The following PHF24 variants were observed in gnomAD, a reference collection of about 807,000 sequenced individuals.
The protein encoded by PHF24 is PHD finger protein 24, also known as Galpha inhibitory interacting protein.
Under a neutral mutation model 42.6 loss-of-function variants are expected in PHF24, and 25 were observed. The ratio of observed to expected loss-of-function variants is 0.59; its 90% CI spans 0.43 to 0.82. The LOEUF (loss-of-function observed/expected upper bound fraction) is 0.82, where lower values mean the gene tolerates loss of function less well. Among genes scored for constraint, PHF24 ranks in the 40% least tolerant of loss-of-function variants. The probability of loss-of-function intolerance (pLI) is 0.00; values close to 1 mark genes in which losing one functional copy is unlikely to be tolerated. For missense variants in PHF24, 470 were observed against 538.1 expected, an observed-to-expected ratio of 0.87 and a Z score of 1.25; for synonymous variants, 185 against 204.8, an observed-to-expected ratio of 0.90 and a Z score of 0.83.
chr9:34,724,234 C>T, the PHF24 span: 3 of 1,551,490 alleles, frequency 1.9e-6, no homozygotes, highest in Non-Finnish European at 2.6e-6. Flanking sequence ...GGGCCTCTGT[C>T]ATGTCCCCAC....
At chr9:34,747,354 T>C in the PHF24 span, among the ~76,000 whole-genome samples, 1 of 152,144 alleles carries the variant, frequency 6.6e-6, no homozygotes, top group African/African-American at 2.4e-5. Context: ...AGCTCAAGGC[T>C]GCATTGAACT....
the PHF24 span, chr9:34,689,870 G>A: frequency 6.2e-7 from 1 of 1,614,164 alleles, no homozygotes; most frequent in East Asian, 2.2e-5. This position sits in a 1 kb window ranked among gnomAD's most constrained non-coding sequence, Gnocchi z 4.1. Context: ...AGGATCATGG[G>A]CTGGAATCTT....
chr9:34,798,535 G>A, the PHF24 span, among the ~76,000 whole-genome samples: 136,722 of 152,236 alleles, frequency 0.9, 62,445 homozygotes, highest in Non-Finnish European at 0.99. Flanking sequence ...TTGCTGCAAA[G>A]GACAAGATTT....
the PHF24 span, among the ~76,000 whole-genome samples, chr9:34,890,550 T>C: frequency 1.3e-3 from 192 of 152,320 alleles, 1 homozygote; most frequent in African/African-American, 4.4e-3. Context: ...CTGTCTTTAG[T>C]TCAACGGCAA....
chr9:34,754,882 T>G, the PHF24 span, among the ~76,000 whole-genome samples: 1 of 152,176 alleles, frequency 6.6e-6, no homozygotes, highest in Non-Finnish European at 1.5e-5. Context: ...TAAAAAACGA[T>G]GAGGTTCTGT....
chr9:34,764,746 G>A, the PHF24 span, among the ~76,000 whole-genome samples: 3 of 152,038 alleles, frequency 2.0e-5, no homozygotes, highest in Non-Finnish European at 4.4e-5. Context: ...GCTAGCTTTT[G>A]AATGTGTTTG....
the PHF24 span, among the ~76,000 whole-genome samples, chr9:34,904,239 G>A: frequency 1.6e-4 from 24 of 152,076 alleles, no homozygotes; most frequent in Non-Finnish European, 3.2e-4. Context: ...TGATTGCTCT[G>A]GCTAGGACTT....
upstream of PHF24, among the ~76,000 whole-genome samples, chr9:34,955,110 G>A (rs1026463424): frequency 6.6e-6 from 1 of 152,224 alleles, no homozygotes; most frequent in Non-Finnish European, 1.5e-5. Flanking sequence ...CTGGGCTCAA[G>A]TGACCCTCTC....
chr9:34,703,803 C>T, the PHF24 span, among the ~76,000 whole-genome samples: 1 of 151,712 alleles, frequency 6.6e-6, no homozygotes, highest in African/African-American at 2.4e-5. Context: ...TGGGCTTAAG[C>T]CGTTCTCCTA....
At chr9:34,877,152 A>G in the PHF24 span, among the ~76,000 whole-genome samples, 146,348 of 151,808 alleles carry the variant, frequency 0.96, 70,753 homozygotes, top group East Asian at 1. Context: ...GTGGTGGCAC[A>G]CGCCTATAAT....
At chr9:34,834,095 A>AAGTTATGCC in the PHF24 span, 1 of 1,395,746 alleles carries the variant, frequency 7.2e-7, no homozygotes, top group Non-Finnish European at 9.8e-7. Context: ...CCAGGGCATA[A>AAGTTATGCC]CTTTGTGATG....
the PHF24 span, among the ~76,000 whole-genome samples, chr9:34,831,300 G>A: frequency 6.6e-6 from 1 of 152,162 alleles, no homozygotes; most frequent in Non-Finnish European, 1.5e-5. Context: ...GGATTCAGCT[G>A]ACTGGGTGCC....
At chr9:34,932,198 C>T in the PHF24 span, among the ~76,000 whole-genome samples, 69,494 of 151,858 alleles carry the variant, frequency 0.46, 16,326 homozygotes, top group Non-Finnish European at 0.51. Context: ...CAATATTCCC[C>T]TGGGCTAAGG....
chr9:34,875,907 TACAC>T, the PHF24 span, among the ~76,000 whole-genome samples: 562 of 116,028 alleles, frequency 4.8e-3, no homozygotes, highest in African/African-American at 7.5e-3. Flanking sequence ...CTCTCTCTCT[TACAC>T]ACACACACAC....
the PHF24 span, chr9:34,727,073 T>TC: frequency 6.8e-7 from 1 of 1,475,720 alleles, no homozygotes; most frequent in East Asian, 2.5e-5. Context: ...CACTCTCCTT[T>TC]CCCAGTCCTG....
At chr9:34,673,558 C>T in the PHF24 span, among the ~76,000 whole-genome samples, 6,749 of 151,624 alleles carry the variant, frequency 0.045, 232 homozygotes, top group South Asian at 0.069. Context: ...GCAACCTCCA[C>T]CTCTTGGGCT....
At chr9:34,971,769 G>A (rs558681847) in intron 2 of PHF24, 93 bp downstream of exon 2, 64 of 1,405,470 alleles carry the variant, frequency 4.6e-5, no homozygotes, top group South Asian at 4.1e-4. Context: ...CCTCAAAACC[G>A]GAAAAATGGA....
the PHF24 span, among the ~76,000 whole-genome samples, chr9:34,828,405 C>T: frequency 4.2e-4 from 64 of 152,244 alleles, no homozygotes; most frequent in East Asian, 7.5e-3. Flanking sequence ...GAATCTTTCC[C>T]GTCAACATCC....
At chr9:34,689,338 TGA>T in the PHF24 span, among the ~76,000 whole-genome samples, 3 of 152,054 alleles carry the variant, frequency 2.0e-5, no homozygotes, top group Non-Finnish European at 4.4e-5. The surrounding 1 kb of genome is among the most constrained non-coding windows in gnomAD (Gnocchi z 4.1). Context: ...AGGCTGATCC[TGA>T]GAGCATCAGG....
Sources: allele counts gnomAD v4.1 joint callset (sites outside exome capture counted in the v4.1 genomes callset), GRCh38; gene constraint gnomAD v4.1.1; non-coding constraint Gnocchi (gnomAD v3.1); transcripts MANE v1.5; gene names NCBI Gene and HGNC (gene_info 2026-07-23, HGNC 2026-07-21).